TMEFF2: variants seen among roughly 807,000 people sequenced by gnomAD.
TMEFF2 encodes tomoregulin-2.
A neutral mutation model predicts 53.8 loss-of-function variants in TMEFF2; 28 were observed. The ratio of observed to expected loss-of-function variants is 0.52; its 90% CI spans 0.39 to 0.71. The LOEUF (loss-of-function observed/expected upper bound fraction) is 0.71. TMEFF2 is among the 30% of genes least tolerant of loss of function. TMEFF2 has a pLI of 0.00. For missense variants in TMEFF2, 353 were observed against 455.2 expected (o/e 0.78, Z 2.04); for synonymous variants, 162 against 166.3 (o/e 0.97, Z 0.20).
At chr2:192,116,693 T>C (rs1014482403) in intron 4 of TMEFF2, among the ~76,000 whole-genome samples, 16 of 152,122 alleles carry the variant, frequency 1.1e-4, no homozygotes, top group Non-Finnish European at 1.3e-4. Flanking sequence ...ACTACTTGTA[T>C]TTTAAAAAGT....
chr2:192,161,877 T>G (rs184976757), intron 4 of TMEFF2, among the ~76,000 whole-genome samples: 2 of 152,328 alleles, frequency 1.3e-5, no homozygotes, highest in East Asian at 1.9e-4. Context: ...TCATTTCCTG[T>G]GAACACATTA....
intron 4 of TMEFF2, among the ~76,000 whole-genome samples, chr2:192,069,788 C>G (rs961369492): frequency 5.9e-5 from 9 of 151,604 alleles, no homozygotes; most frequent in African/African-American, 1.9e-4. Context: ...TAACAATGCT[C>G]TATTTAGAAC....
chr2:192,129,019 T>A (rs1051709136), intron 4 of TMEFF2, among the ~76,000 whole-genome samples: 1 of 152,180 alleles, frequency 6.6e-6, no homozygotes, highest in African/African-American at 2.4e-5. Flanking sequence ...CTCTGGGACA[T>A]GCCTGGGTGC....
chr2:192,003,010 C>T (rs369538270), intron 5 of TMEFF2, among the ~76,000 whole-genome samples: 1 of 152,064 alleles, frequency 6.6e-6, no homozygotes, highest in South Asian at 2.1e-4. Flanking sequence ...GTCAGAAAAA[C>T]ATGCAGGATT....
chr2:192,049,346 T>C (rs1367684531), intron 5 of TMEFF2, among the ~76,000 whole-genome samples: 1 of 152,216 alleles, frequency 6.6e-6, no homozygotes, highest in Non-Finnish European at 1.5e-5. Flanking sequence ...TTTTGTAACA[T>C]GAGAATTACT....
At position 192,143,986 on chromosome 2, in the gene TMEFF2, C is replaced by G. The variant is rs539417148; in HGVS notation, c.439+35682G>C. Among the ~76,000 whole-genome samples, 6 of 152,202 alleles carry G rather than the reference C, an allele frequency of 3.9e-5. No homozygotes were observed. In the South Asian group the frequency reaches 1.2e-3, roughly 31 times the overall value. ...TTTATTAGCTATGTGTTCATTCACA[C>G]AAGTGGTTACACTACAAAAATAACA... On this transcript the variant is annotated intron_variant, in intron 4 of 9. Coordinates refer to ENST00000272771, the MANE Select transcript of TMEFF2 (RefSeq NM_016192.4).
intron 5 of TMEFF2, among the ~76,000 whole-genome samples, chr2:192,040,831 G>A (rs370663248): frequency 6.6e-6 from 1 of 152,100 alleles, no homozygotes; most frequent in Non-Finnish European, 1.5e-5. Flanking sequence ...TGTATACAGG[G>A]TCAATTGATT....
At chr2:192,133,393 T>G (rs549260134) in intron 4 of TMEFF2, among the ~76,000 whole-genome samples, 1 of 152,196 alleles carries the variant, frequency 6.6e-6, no homozygotes, top group Admixed American at 6.5e-5. Flanking sequence ...CTTACCCCAC[T>G]CAATGCCAAT....
chr2:192,120,392 A>G (rs953460116), intron 4 of TMEFF2, among the ~76,000 whole-genome samples: 1 of 152,156 alleles, frequency 6.6e-6, no homozygotes, highest in Non-Finnish European at 1.5e-5. Context: ...CCCACCCCAC[A>G]GTGAACATGG....
chr2:191,965,735 A>G (rs1324477949), intron 7 of TMEFF2, among the ~76,000 whole-genome samples: 1 of 152,102 alleles, frequency 6.6e-6, no homozygotes, highest in African/African-American at 2.4e-5. Context: ...CTTTGCCTGG[A>G]ATGCTCACTT....
In TMEFF2 at chr2:191,962,469, A is replaced by G. The variant is rs573991109; in HGVS notation, c.746-6091T>C. 1.1e-4 allele frequency among the ~76,000 whole-genome samples: 16 copies of G among 152,342 alleles called. No individual in the cohort carries two copies. The East Asian group carries it at 2.7e-3, about 26-fold the overall frequency. On this transcript the variant is annotated intron_variant, in intron 7 of 9. Transcript: ENST00000272771. ...ATGACATGATTCAGGGATTGCTAGA[A>G]TTTAAATTGGAAAAAGTACCAGCAT...
At chr2:192,005,020 T>G (rs1686466485) in intron 5 of TMEFF2, among the ~76,000 whole-genome samples, 1 of 152,204 alleles carries the variant, frequency 6.6e-6, no homozygotes, top group Admixed American at 6.5e-5. Flanking sequence ...TCTTTTCTTC[T>G]AGGCTACAAA....
At chr2:192,036,615 C>T (rs1254445162) in intron 5 of TMEFF2, 1 of 152,190 alleles carries the variant, frequency 6.6e-6, no homozygotes, top group African/African-American at 2.4e-5. Context: ...AATTGAGCCT[C>T]CTCATGAAGG....
chr2:192,129,369 G>GA (rs11313016), intron 4 of TMEFF2, among the ~76,000 whole-genome samples: 24,855 of 143,672 alleles, frequency 0.17, 3,236 homozygotes, highest in African/African-American at 0.37. Flanking sequence ...ATGTTTAATA[G>GA]AAAAAAAAAA....
At chr2:192,189,405 A>G (rs62181184) in intron 2 of TMEFF2, among the ~76,000 whole-genome samples, 39,673 of 151,122 alleles carry the variant, frequency 0.26, 5,320 homozygotes, top group East Asian at 0.36. Context: ...ATTAGCTGAG[A>G]ATGATGGAGT....
intron 3 of TMEFF2, 100 bp downstream of exon 3, chr2:192,184,254 T>G: frequency 7.0e-7 from 1 of 1,425,066 alleles, no homozygotes; most frequent in Non-Finnish European, 9.6e-7. Context: ...CTAGTCAACA[T>G]ATAATCTGAA....
At chr2:192,041,901 C>T (rs2105886399) in intron 5 of TMEFF2, among the ~76,000 whole-genome samples, 1 of 152,206 alleles carries the variant, frequency 6.6e-6, no homozygotes, top group South Asian at 2.1e-4. Flanking sequence ...AAAACAATTA[C>T]AGTAGTAACA....
At chr2:192,061,672 G>A (rs1362036921) in intron 4 of TMEFF2, among the ~76,000 whole-genome samples, 3 of 152,076 alleles carry the variant, frequency 2.0e-5, no homozygotes, top group Non-Finnish European at 2.9e-5. Context: ...CTCATGTTGA[G>A]GTGTAATCCT....
At chr2:192,018,287 G>C (rs1172844092) in intron 5 of TMEFF2, among the ~76,000 whole-genome samples, 1 of 152,186 alleles carries the variant, frequency 6.6e-6, no homozygotes, top group East Asian at 1.9e-4. Context: ...AGCTGTGTTA[G>C]AATTTCTATA....
Sources: gnomAD v4.1 joint callset for allele counts (sites outside exome capture counted in the v4.1 genomes callset) on GRCh38, gnomAD v4.1.1 for gene constraint, MANE v1.5 for transcripts, NCBI Gene and HGNC (gene_info 2026-07-23, HGNC 2026-07-21) for gene names.